The following NBPF3 variants were observed in gnomAD, a reference collection of about 807,000 sequenced individuals.
NBPF3 encodes the protein NBPF family member NBPF3.
Under a neutral mutation model 78.1 loss-of-function variants are expected in NBPF3, and 57 were observed. The ratio of observed to expected loss-of-function variants is 0.73; its 90% CI spans 0.59 to 0.91. The LOEUF is 0.91. NBPF3 is among the 40% of genes least tolerant of loss of function. NBPF3 has a pLI of 0.00. For missense variants in NBPF3, 510 were observed against 715.3 expected (o/e 0.71, Z 3.27); for synonymous variants, 182 against 271.7 (o/e 0.67, Z 3.25).
At chr1:21,481,371 A>ACT (rs1466227867) in intron 12 of NBPF3, among the ~76,000 whole-genome samples, 2 of 142,864 alleles carry the variant, frequency 1.4e-5, no homozygotes, top group Non-Finnish European at 3.0e-5. Context: ...GTGAGCGCTC[A>ACT]CTCTCTCTCT....
At chr1:21,438,162 G>A (rs2147875321), upstream of NBPF3, among the ~76,000 whole-genome samples, 1 of 151,120 alleles carries the variant, frequency 6.6e-6, no homozygotes, top group East Asian at 2.0e-4. Flanking sequence ...CCCTAGGCTG[G>A]ATTGCAGTGA....
intron 5 of NBPF3, 29 bp downstream of exon 5, chr1:21,471,812 A>C: frequency 1.9e-6 from 3 of 1,610,620 alleles, no homozygotes; most frequent in Non-Finnish European, 2.5e-6. Context: ...CTGATGACCC[A>C]AAACCCCAGG....
chr1:21,452,053 C>T (rs1243619481), intron 2 of NBPF3: 1 of 154,920 alleles, frequency 6.5e-6, no homozygotes, highest in Non-Finnish European at 1.4e-5. Flanking sequence ...ATGATGATGT[C>T]CTTGTACAAC....
At chr1:21,450,471 C>A (rs1282655569) in intron 2 of NBPF3, among the ~76,000 whole-genome samples, 1 of 152,168 alleles carries the variant, frequency 6.6e-6, no homozygotes, top group Non-Finnish European at 1.5e-5. Flanking sequence ...AGCTCAAAGT[C>A]ATATAACTGG....
Position 21,466,132 on chromosome 1 carries a change from A to T in NBPF3, c.134-2556A>T, listed in dbSNP as rs545194600. The T allele has an allele frequency of 3.4e-4, 333 of 985,430 alleles. 2 individuals carry two copies. In the African/African-American group the frequency reaches 5.4e-3, roughly 16 times the overall value. 61.0% of individuals were successfully genotyped at this position (985,430 alleles called of 1,614,324 possible). ...AATCACTGATGGAATCGGACAGTGC[A>T]TGGAGATGGTTCAGCAGGACGAGGG... On this transcript the variant is annotated intron_variant, in intron 2 of 14. Coordinates refer to ENST00000318249, the MANE Select transcript of NBPF3 (RefSeq NM_032264.6).
In NBPF3 at chr1:21,478,168, G is replaced by A; in HGVS notation, c.1017G>A (p.Glu339=). 6.2e-7 allele frequency: 1 copy of A among 1,614,070 alleles called. No homozygotes were observed. The highest frequency in any genetic ancestry group is 1.1e-5 in the South Asian group (1 of 91,070). The change falls in exon 9 of 15, where the codon GAG becomes GAA. Residue 339 remains glutamate, a synonymous_variant. Transcript: ENST00000318249. ...GGAATCTGCAGGAGTCTGAAGAGGA[G>A]GAAGCCCCCCAGGAGTCCTGGGATG... The part of the protein sequence containing the change: ...SPRNLQESEE[E]EAPQESWDEG...
chr1:21,474,725 C>T (rs1469419001), intron 7 of NBPF3, among the ~76,000 whole-genome samples, 175 bp from the exon 8 acceptor site: 1 of 152,174 alleles, frequency 6.6e-6, no homozygotes, highest in African/African-American at 2.4e-5. Context: ...GTCTGGAAAG[C>T]AGGGTCATCT....
intron 9 of NBPF3, among the ~76,000 whole-genome samples, chr1:21,478,621 C>G (rs1643012925): frequency 6.6e-6 from 1 of 152,204 alleles, no homozygotes; most frequent in South Asian, 2.1e-4. Flanking sequence ...AGTTGTCTGT[C>G]AGATCAGCTC....
At chr1:21,443,005 A>G (rs1640750116) in intron 1 of NBPF3, among the ~76,000 whole-genome samples, 2 of 152,110 alleles carry the variant, frequency 1.3e-5, no homozygotes, top group African/African-American at 4.8e-5. Flanking sequence ...TTTATCCAGG[A>G]CCATTTATTG....
At chr1:21,479,848 G>GTGTGTGTGTA (rs746655034) in intron 10 of NBPF3, among the ~76,000 whole-genome samples, 57 of 121,836 alleles carry the variant, frequency 4.7e-4, no homozygotes, top group South Asian at 1.9e-3. Context: ...GTGTGTGTGT[G>GTGTGTGTGTA]TGTGTATGTG....
intron 2 of NBPF3, among the ~76,000 whole-genome samples, chr1:21,448,247 A>G (rs899041833): frequency 6.6e-6 from 1 of 152,078 alleles, no homozygotes; most frequent in African/African-American, 2.4e-5. Context: ...GTTATCTCCT[A>G]GGATTCTTAT....
At chr1:21,457,372 A>ATATATATGTATGTATG (rs1558484762) in intron 2 of NBPF3, among the ~76,000 whole-genome samples, 1 of 150,092 alleles carries the variant, frequency 6.7e-6, no homozygotes, top group African/African-American at 2.4e-5. Flanking sequence ...ATGTATGTAT[A>ATATATATGTATGTATG]TATATGTATG....
In NBPF3 at chr1:21,471,636, G is replaced by A; in HGVS notation, c.514G>A (p.Gly172Arg). Reference protein sequence around the residue: ...LTQLREKLQEGRDASRSLNQH... With the variant: ...LTQLREKLQERRDASRSLNQH... ...CCAGTTAAGGGAGAAGTTACAGGAA[G>A]GGAGAGATGCCTCCCGCTCATTGAA... The change falls in exon 5 of 15, where the codon GGG (glycine) becomes AGG (arginine). Residue 172 changes from glycine to arginine, a missense_variant. By Grantham distance (125) the Gly-to-Arg change is moderately radical (BLOSUM62 -2). This residue lies in a region of NBPF3 where 440 missense variants were observed against 478.2 expected (regional missense o/e 0.92). Transcript: ENST00000318249. 1 of 1,612,730 alleles carries A rather than the reference G, an allele frequency of 6.2e-7. No individual in the cohort carries two copies. The highest frequency in any genetic ancestry group is 8.5e-7 in the Non-Finnish European group (1 of 1,179,832).
At chr1:21,472,735 C>T (rs778072159) in intron 5 of NBPF3, 108 bp from the exon 6 acceptor site, 21 of 837,528 alleles carry the variant, frequency 2.5e-5, no homozygotes, top group Non-Finnish European at 4.2e-5. Flanking sequence ...GAGCTTTCAG[C>T]TGAACAGTGA....
At chr1:21,440,951 A>C (rs1640609344) in intron 1 of NBPF3, 1 of 152,198 alleles carries the variant, frequency 6.6e-6, no homozygotes, top group Non-Finnish European at 1.5e-5. Context: ...TTGCACTCCG[A>C]GGAGTTGCTG....
chr1:21,444,467 TC>T lies in NBPF3; in HGVS notation c.-139-478del, dbSNP rs1344746592. Among the ~76,000 whole-genome samples, 6 of 152,190 alleles carry T rather than the reference TC, an allele frequency of 3.9e-5. No individual in the cohort carries two copies. The East Asian group carries it at 1.2e-3, about 29-fold the overall frequency. ...CTAACAACACCCACACTCTCTTAAT[TC>T]CCTAACAAAAATAATGGAATTCTTG... is the stretch of plus-strand genomic sequence containing the variant. On this transcript the variant is annotated intron_variant, in intron 1 of 14. Coordinates refer to ENST00000318249, the MANE Select transcript of NBPF3 (RefSeq NM_032264.6).
At position 21,484,529 on chromosome 1, in the gene NBPF3, A is replaced by G. The variant is rs1357527718; in HGVS notation, c.*1143A>G. ...TTCCAACCTCAGCCCATCTGTGGGC[A>G]GAGAAGGTCTAGTTTGTCCATCAGC... On this transcript the variant is annotated 3_prime_UTR_variant, in exon 15 of 15. Coordinates refer to ENST00000318249, the MANE Select transcript of NBPF3 (RefSeq NM_032264.6). 1.2e-5 allele frequency: 1 copy of G among 86,356 alleles called. No individual in the cohort carries two copies. Among genetic ancestry groups the G allele is most frequent in the African/African-American group, 3.5e-5 (1 of 28,172 alleles). 5.3% of individuals were successfully genotyped at this position (86,356 alleles called of 1,614,324 possible).
rs1032807699 is a variant in NBPF3 at position 21,484,200 on chromosome 1, A to G, written c.*814A>G. 6.1e-5 allele frequency: 8 copies of G among 131,178 alleles called. No individual in the cohort carries two copies. Among genetic ancestry groups the G allele is most frequent in the African/African-American group, 1.6e-4 (6 of 36,478 alleles). 8.1% of individuals were successfully genotyped at this position (131,178 alleles called of 1,614,324 possible). ...AGAATGTAGAACACTGAGCAGGACA[A>G]CTGACCTGTCTCCTTCACACAGTCC... On this transcript the variant is annotated 3_prime_UTR_variant, in exon 15 of 15. Coordinates refer to ENST00000318249, the MANE Select transcript of NBPF3 (RefSeq NM_032264.6).
intron 2 of NBPF3, chr1:21,449,853 C>G (rs1289369326): frequency 3.1e-6 from 2 of 639,522 alleles, no homozygotes; most frequent in African/African-American, 3.9e-5. Context: ...TCATTGTCTT[C>G]TTCAGGTGGC....
Sources: allele counts gnomAD v4.1 joint callset (sites outside exome capture counted in the v4.1 genomes callset), GRCh38; gene constraint gnomAD v4.1.1; regional missense constraint gnomAD v4.1.1; transcripts MANE v1.5; gene names NCBI Gene and HGNC (gene_info 2026-07-23, HGNC 2026-07-21).